The following KLF8 variants were observed in gnomAD, a reference collection of about 807,000 sequenced individuals.
KLF8 encodes KLF transcription factor 8, also known as Krueppel-like factor 8.
In KLF8, 10 loss-of-function variants were observed where a neutral mutation model predicts 18.2. The observed-to-expected ratio is 0.55, with a 90% confidence interval of 0.34 to 0.93. The LOEUF is 0.93. Among genes scored for constraint, KLF8 ranks in the 40% least tolerant of loss-of-function variants. KLF8 has a pLI of 0.02. For missense variants in KLF8, 264 were observed against 277.9 expected (o/e 0.95, Z 0.36); for synonymous variants, 109 against 97.3 (o/e 1.12, Z -0.71).
At chrX:56,105,356 T>C in the KLF8 span, among the ~76,000 whole-genome samples, 1 of 111,477 alleles carries the variant, frequency 9.0e-6, no homozygotes, top group African/African-American at 3.3e-5. Flanking sequence ...TCTAAGTCTC[T>C]TTGTAGGTCT....
the KLF8 span, among the ~76,000 whole-genome samples, chrX:56,141,511 T>G: frequency 8.9e-6 from 1 of 111,799 alleles, no homozygotes; most frequent in Admixed American, 9.5e-5. Flanking sequence ...TAATTTTATA[T>G]GCCACCACAT....
At chrX:56,141,656 A>T in the KLF8 span, among the ~76,000 whole-genome samples, 1 of 111,380 alleles carries the variant, frequency 9.0e-6, no homozygotes, top group Non-Finnish European at 1.9e-5. Flanking sequence ...TGTTTGGAAG[A>T]GTAAAACTGT....
the KLF8 span, among the ~76,000 whole-genome samples, chrX:55,920,133 C>G: frequency 2.7e-5 from 3 of 111,859 alleles, no homozygotes; most frequent in Non-Finnish European, 5.6e-5. Context: ...AGCATGGTAG[C>G]TCCCCCGGGT....
At chrX:56,187,595 C>G in the KLF8 span, among the ~76,000 whole-genome samples, 1 of 111,751 alleles carries the variant, frequency 8.9e-6, no homozygotes, top group Non-Finnish European at 1.9e-5. Flanking sequence ...GACCAATATC[C>G]TTGATGAACA....
At chrX:56,050,860 C>T in the KLF8 span, among the ~76,000 whole-genome samples, 1 of 109,461 alleles carries the variant, frequency 9.1e-6, no homozygotes, top group Non-Finnish European at 1.9e-5. Context: ...CTAATGTTGA[C>T]AGTGGGGTGT....
At chrX:56,261,830 C>G (rs1012760815) in intron 2 of KLF8, among the ~76,000 whole-genome samples, 1 of 111,368 alleles carries the variant, frequency 9.0e-6, no homozygotes, top group African/African-American at 3.3e-5. Flanking sequence ...CTTATTCACC[C>G]TGATAGTGTG....
the KLF8 span, among the ~76,000 whole-genome samples, chrX:56,153,368 G>C: frequency 2.7e-5 from 3 of 109,830 alleles, no homozygotes; most frequent in East Asian, 2.9e-4. Context: ...AAAAAAAAAA[G>C]AGTAGCTTTG....
chrX:55,982,743 A>G, the KLF8 span, among the ~76,000 whole-genome samples: 1 of 112,180 alleles, frequency 8.9e-6, no homozygotes, highest in East Asian at 2.8e-4. Flanking sequence ...GAGAATTAAA[A>G]GAATCAATTT....
the KLF8 span, among the ~76,000 whole-genome samples, chrX:56,064,959 C>A: frequency 9.0e-6 from 1 of 111,520 alleles, no homozygotes; most frequent in Non-Finnish European, 1.9e-5. Flanking sequence ...GAGAATTTTG[C>A]TGTTAGTCTC....
the KLF8 span, among the ~76,000 whole-genome samples, chrX:56,051,651 T>C: frequency 9.0e-6 from 1 of 111,119 alleles, no homozygotes; most frequent in Non-Finnish European, 1.9e-5. Context: ...GTTCATCTGA[T>C]GGGCTTCCCT....
At chrX:56,065,448 C>T in the KLF8 span, among the ~76,000 whole-genome samples, 1 of 111,155 alleles carries the variant, frequency 9.0e-6, no homozygotes, top group Non-Finnish European at 1.9e-5. Context: ...TTGTAAATTT[C>T]TCATTAATAT....
the KLF8 span, among the ~76,000 whole-genome samples, chrX:56,089,906 T>TA: frequency 3.6e-5 from 4 of 112,012 alleles, no homozygotes; most frequent in Admixed American, 2.8e-4. Context: ...AAGGGAAAAA[T>TA]AAGTATGCTG....
chrX:56,009,640 A>G, the KLF8 span, among the ~76,000 whole-genome samples: 27 of 112,220 alleles, frequency 2.4e-4, 1 homozygote, highest in Admixed American at 2.2e-3. Context: ...AGGCTTCAGA[A>G]GGTGAGTGAT....
the KLF8 span, among the ~76,000 whole-genome samples, chrX:56,164,193 C>A: frequency 9.7e-6 from 1 of 103,285 alleles, no homozygotes; most frequent in Admixed American, 1.1e-4. Context: ...ATTTCACTTA[C>A]CAAATCATTC....
At chrX:56,021,606 C>T in the KLF8 span, among the ~76,000 whole-genome samples, 3 of 106,081 alleles carry the variant, frequency 2.8e-5, no homozygotes, top group African/African-American at 1.0e-4. Flanking sequence ...TTTTACATAA[C>T]TCCAAAAATA....
At chrX:56,151,596 G>T in the KLF8 span, among the ~76,000 whole-genome samples, 6 of 110,688 alleles carry the variant, frequency 5.4e-5, no homozygotes, top group Non-Finnish European at 9.5e-5. Flanking sequence ...CACAAATACT[G>T]GGAACACTGG....
the KLF8 span, among the ~76,000 whole-genome samples, chrX:56,015,373 C>T: frequency 7.2e-5 from 8 of 111,583 alleles, no homozygotes; most frequent in South Asian, 1.1e-3. Flanking sequence ...ACACACTCAC[C>T]AACCATTTAT....
the KLF8 span, among the ~76,000 whole-genome samples, chrX:56,172,587 G>A: frequency 1.1e-3 from 128 of 111,786 alleles, no homozygotes; most frequent in African/African-American, 4.0e-3. Flanking sequence ...TGTCTTTATA[G>A]CAGCATGATT....
chrX:56,091,297 G>A, the KLF8 span, among the ~76,000 whole-genome samples: 62 of 110,399 alleles, frequency 5.6e-4, 1 homozygote, highest in East Asian at 0.013. Context: ...ACCTGCCGCC[G>A]TGTAAGACAT....
Sources: gnomAD v4.1 joint callset for allele counts (sites outside exome capture counted in the v4.1 genomes callset) on GRCh38, gnomAD v4.1.1 for gene constraint, MANE v1.5 for transcripts, NCBI Gene and HGNC (gene_info 2026-07-23, HGNC 2026-07-21) for gene names.